PBX1: variants seen among roughly 807,000 people sequenced by gnomAD.
The protein encoded by PBX1 is pre-B-cell leukemia transcription factor 1.
PBX1 carries 6 observed loss-of-function variants against 53.4 expected under a neutral mutation model. The observed-to-expected ratio is 0.11, with a 90% CI of 0.06 to 0.22. The LOEUF is 0.22. Ranked by LOEUF, PBX1 falls within the 10% of genes least tolerant of loss-of-function variation. The pLI is 1.00. For synonymous variants in PBX1, 204 were observed against 212.3 expected, an observed-to-expected ratio of 0.96 and a Z score of 0.34; for missense variants, 251 against 551.4, an observed-to-expected ratio of 0.46 and a Z score of 5.46.
intron 2 of PBX1, among the ~76,000 whole-genome samples, chr1:164,871,858 A>G (rs376914773): frequency 0.068 from 6,127 of 90,046 alleles, 385 homozygotes; most frequent in African/African-American, 0.17. Flanking sequence ...ATTCTCTATC[A>G]TAGCACATGT....
intron 2 of PBX1, among the ~76,000 whole-genome samples, chr1:164,619,372 C>A (rs1657520015): frequency 6.6e-6 from 1 of 152,018 alleles, no homozygotes; most frequent in African/African-American, 2.4e-5. Context: ...TGGAATCTGC[C>A]CCAAACTGCA....
intron 2 of PBX1, among the ~76,000 whole-genome samples, chr1:164,728,564 G>A (rs986600257): frequency 1.3e-4 from 20 of 152,114 alleles, no homozygotes; most frequent in Admixed American, 1.3e-4. Context: ...CCATTATTCA[G>A]AATTATAATG....
intron 2 of PBX1, among the ~76,000 whole-genome samples, chr1:164,585,660 G>A (rs1252771066): frequency 6.6e-6 from 1 of 152,150 alleles, no homozygotes; most frequent in Non-Finnish European, 1.5e-5. Flanking sequence ...TTCTGTGGTT[G>A]CTTCACTTTC....
chr1:164,882,825 T>C (rs1672692296), intron 2 of PBX1, among the ~76,000 whole-genome samples: 2 of 152,096 alleles, frequency 1.3e-5, no homozygotes, highest in African/African-American at 4.8e-5. Context: ...GTAATTATAA[T>C]TGGGAAAATA....
intron 2 of PBX1, among the ~76,000 whole-genome samples, chr1:164,701,973 C>A (rs1311989207): frequency 6.6e-6 from 1 of 152,132 alleles, no homozygotes; most frequent in Non-Finnish European, 1.5e-5. Flanking sequence ...AGACAAAGTG[C>A]ATGAAGGGGA....
intron 2 of PBX1, among the ~76,000 whole-genome samples, chr1:164,869,711 G>GA (rs1385937931): frequency 6.6e-6 from 1 of 152,196 alleles, no homozygotes; most frequent in African/African-American, 2.4e-5. Context: ...AAATGCTAAA[G>GA]AAAAATATCA....
chr1:164,588,899 T>G (rs1191261871), intron 2 of PBX1, among the ~76,000 whole-genome samples: 4 of 152,128 alleles, frequency 2.6e-5, no homozygotes, highest in Non-Finnish European at 5.9e-5. Flanking sequence ...CTAACCCTCT[T>G]TTTTCCTTTC....
In PBX1 at chr1:164,808,422, C is replaced by T. The variant is rs546150310; in HGVS notation, c.837+745C>T. Among the ~76,000 whole-genome samples, 45 of 152,266 alleles carry T rather than the reference C, an allele frequency of 3.0e-4. 1 individual carries two copies. Among genetic ancestry groups the T allele is most frequent in the African/African-American group, 1.0e-3 (42 of 41,542 alleles). ...TCTTATTCAGTCTGAACCTCAAATA[C>T]CACCACTGGTTTCTAATTGAGAACC... On this transcript the variant is annotated intron_variant, in intron 5 of 8. Coordinates refer to ENST00000420696, the MANE Select transcript of PBX1 (RefSeq NM_002585.4).
chr1:164,726,599 T>C (rs1664713557), intron 2 of PBX1, among the ~76,000 whole-genome samples: 1 of 152,228 alleles, frequency 6.6e-6, no homozygotes, highest in Non-Finnish European at 1.5e-5. Context: ...CCACATTGAA[T>C]TAGCACTACG....
chr1:164,623,105 G>T (rs1363051023), intron 2 of PBX1, among the ~76,000 whole-genome samples: 1 of 152,122 alleles, frequency 6.6e-6, no homozygotes, highest in African/African-American at 2.4e-5. Context: ...GAGCCAACAC[G>T]CCTGGCCAGT....
intron 2 of PBX1, among the ~76,000 whole-genome samples, chr1:164,654,619 A>G (rs1430235695): frequency 1.3e-5 from 2 of 152,236 alleles, no homozygotes; most frequent in Admixed American, 1.3e-4. Flanking sequence ...TAAAGAGTCA[A>G]AATGGGAAGA....
At chr1:164,723,779 G>A (rs1664532976) in intron 2 of PBX1, among the ~76,000 whole-genome samples, 1 of 152,178 alleles carries the variant, frequency 6.6e-6, no homozygotes, top group South Asian at 2.1e-4. Flanking sequence ...AATGAAGCTG[G>A]AATTGTATAG....
chr1:164,718,766 G>A (rs1246184586), intron 2 of PBX1, among the ~76,000 whole-genome samples: 1 of 152,168 alleles, frequency 6.6e-6, no homozygotes, highest in Non-Finnish European at 1.5e-5. Context: ...ATATGGTGGA[G>A]ATATTGAAAG....
At chr1:164,790,461 G>C (rs6674963) in intron 2 of PBX1, among the ~76,000 whole-genome samples, 44,676 of 151,962 alleles carry the variant, frequency 0.29, 7,509 homozygotes, top group African/African-American at 0.46. Context: ...AGATCATGAC[G>C]TGGTAGTGTT....
chr1:164,844,522 G>A (rs933099942), intron 8 of PBX1, among the ~76,000 whole-genome samples: 1 of 152,080 alleles, frequency 6.6e-6, no homozygotes, highest in African/African-American at 2.4e-5. Flanking sequence ...CATCAAAGCT[G>A]AATAATTTTC....
chr1:164,611,244 T>C (rs1656901702), intron 2 of PBX1, among the ~76,000 whole-genome samples: 1 of 152,182 alleles, frequency 6.6e-6, no homozygotes, highest in East Asian at 1.9e-4. Context: ...TGTGTTTCTT[T>C]TTTCTCTTTT....
intron 2 of PBX1, among the ~76,000 whole-genome samples, chr1:164,861,774 G>A (rs1405037533): frequency 6.6e-6 from 1 of 152,202 alleles, no homozygotes; most frequent in Non-Finnish European, 1.5e-5. Context: ...AAGGAATAAG[G>A]AAATAAACCA....
chr1:164,578,044 C>T (rs915739536), intron 2 of PBX1, among the ~76,000 whole-genome samples: 7 of 152,182 alleles, frequency 4.6e-5, no homozygotes, highest in African/African-American at 1.7e-4. Flanking sequence ...CCCCATCCTC[C>T]TACTCATTTA....
intron 3 of PBX1, among the ~76,000 whole-genome samples, chr1:164,795,585 C>G (rs1470674603): frequency 6.6e-6 from 1 of 152,108 alleles, no homozygotes; most frequent in African/African-American, 2.4e-5. Flanking sequence ...TTTATATGGG[C>G]ATTTTCTAGT....
Sources: gnomAD v4.1 joint callset for allele counts (sites outside exome capture counted in the v4.1 genomes callset) on GRCh38, gnomAD v4.1.1 for gene constraint, MANE v1.5 for transcripts, NCBI Gene and HGNC (gene_info 2026-07-23, HGNC 2026-07-21) for gene names.